STX17: variants seen among roughly 807,000 people sequenced by gnomAD.
STX17 encodes the protein syntaxin-17.
In STX17, 29 loss-of-function variants were observed where a neutral mutation model predicts 35.9. That is an observed-to-expected ratio of 0.81 (90% CI 0.60 to 1.10). The LOEUF (loss-of-function observed/expected upper bound fraction) is 1.10. STX17 is among the 50% of genes least tolerant of loss of function. STX17 has a pLI of 0.00. For synonymous variants in STX17, 92 were observed against 118.3 expected (o/e 0.78, Z 1.44); for missense variants, 312 against 352.3 (o/e 0.89, Z 0.92).
chr9:99,970,657 A>T lies in STX17; in HGVS notation c.*1984A>T, dbSNP rs892526846. Among the ~76,000 whole-genome samples, 4 of 152,168 alleles carry T rather than the reference A, an allele frequency of 2.6e-5. No homozygotes were observed. The highest frequency in any genetic ancestry group is 5.9e-5 in the Non-Finnish European group (4 of 68,022). On this transcript the variant is annotated 3_prime_UTR_variant, in exon 8 of 8. Coordinates refer to ENST00000259400, the MANE Select transcript of STX17 (RefSeq NM_017919.3). ...CATAGTCAGCTGAAATTATAAATCT[A>T]AGAAACAGTTACATCAAGATTCTGC...
At chr9:99,944,298 C>G (rs940144058) in intron 3 of STX17, among the ~76,000 whole-genome samples, 16 of 151,884 alleles carry the variant, frequency 1.1e-4, no homozygotes, top group Non-Finnish European at 2.1e-4. Flanking sequence ...TCTGTTTCAT[C>G]AAATTTATTT....
At chr9:99,955,018 T>C (rs1829679599) in intron 4 of STX17, among the ~76,000 whole-genome samples, 1 of 152,054 alleles carries the variant, frequency 6.6e-6, no homozygotes, top group Admixed American at 6.6e-5. Context: ...GTGTGTCTGG[T>C]TTCATTTTTA....
At chr9:99,916,851 T>A (rs771491087) in intron 2 of STX17, among the ~76,000 whole-genome samples, 29 of 152,206 alleles carry the variant, frequency 1.9e-4, no homozygotes, top group Non-Finnish European at 3.4e-4. Context: ...GTCCTACTTT[T>A]CCTTTGAGGT....
chr9:99,914,726 G>A (rs1828731596), intron 1 of STX17, among the ~76,000 whole-genome samples: 1 of 152,124 alleles, frequency 6.6e-6, no homozygotes, highest in African/African-American at 2.4e-5. Flanking sequence ...TTTGATACAA[G>A]CATCAGTGTT....
intron 6 of STX17, 59 bp downstream of exon 6, chr9:99,960,214 A>G (rs1168893067): frequency 1.7e-5 from 26 of 1,497,112 alleles, no homozygotes; most frequent in Non-Finnish European, 2.2e-5. Flanking sequence ...AGAAGCTTTT[A>G]TAATCACTAG....
At chr9:99,965,589 G>A (rs1233884001) in intron 6 of STX17, among the ~76,000 whole-genome samples, 1 of 152,120 alleles carries the variant, frequency 6.6e-6, no homozygotes, top group Non-Finnish European at 1.5e-5. Context: ...ATGATAGGGT[G>A]TCAGAAATCT....
intron 1 of STX17, among the ~76,000 whole-genome samples, chr9:99,911,067 G>T (rs367992151): frequency 1.6e-4 from 24 of 149,284 alleles, no homozygotes; most frequent in African/African-American, 5.7e-4. Flanking sequence ...ACGGAGTCTC[G>T]CTCTGTTGCC....
chr9:99,924,038 C>T (rs1037500142), intron 2 of STX17, among the ~76,000 whole-genome samples: 1 of 152,180 alleles, frequency 6.6e-6, no homozygotes, highest in African/African-American at 2.4e-5. Context: ...GCATAGACAA[C>T]CATGTCAAAA....
intron 3 of STX17, chr9:99,937,861 G>T (rs1829268443): frequency 6.6e-6 from 1 of 152,118 alleles, no homozygotes; most frequent in African/African-American, 2.4e-5. Flanking sequence ...ATAAAACAAT[G>T]AGCTTTGTTC....
intron 3 of STX17, among the ~76,000 whole-genome samples, chr9:99,935,269 G>T (rs988765050): frequency 6.8e-6 from 1 of 146,810 alleles, no homozygotes; most frequent in African/African-American, 2.5e-5. Context: ...GGAGGAGCTT[G>T]CAGTGAGCCG....
In STX17 at chr9:99,972,329, G is replaced by T. The variant is rs1036371591; in HGVS notation, c.*3656G>T. 6.6e-6 allele frequency among the ~76,000 whole-genome samples: 1 copy of T among 152,160 alleles called. No homozygotes were observed. Among genetic ancestry groups the T allele is most frequent in the African/African-American group, 2.4e-5 (1 of 41,430 alleles). The stretch of plus-strand genomic sequence containing the variant: ...ATTTATCATAATTCATAGATCAAAT[G>T]ATTATCCTTTAAAATGATACCCTTG... On this transcript the variant is annotated 3_prime_UTR_variant, in exon 8 of 8. Transcript: ENST00000259400.
In STX17 at chr9:99,972,254, CAG is replaced by C. The variant is rs1447732135; in HGVS notation, c.*3582_*3583del. ...TCACTAGTTATAACCATTGTTTAAA[CAG>C]TGCTTTTTGTGTAATTTAAAAATAA... is the stretch of plus-strand genomic sequence containing the variant. On this transcript the variant is annotated 3_prime_UTR_variant, in exon 8 of 8. Transcript: ENST00000259400. 6.6e-6 allele frequency among the ~76,000 whole-genome samples: 1 copy of C among 152,184 alleles called. No individual in the cohort carries two copies. The highest frequency in any genetic ancestry group is 1.5e-5 in the Non-Finnish European group (1 of 68,014).
chr9:99,907,493 A>G (rs962300104), intron 1 of STX17: 1 of 152,090 alleles, frequency 6.6e-6, no homozygotes, highest in African/African-American at 2.4e-5. Flanking sequence ...GTATTATGGT[A>G]CCCATCTCAT....
At position 99,968,850 on chromosome 9, in the gene STX17, G is replaced by A. The variant is rs2118552646; in HGVS notation, c.*177G>A. The stretch of plus-strand genomic sequence containing the variant: ...TGTTGTTTGCTGGGGTGTTCATGGA[G>A]ATGTTAAGAGATTGAGGCCCTGGGC... On this transcript the variant is annotated 3_prime_UTR_variant, in exon 8 of 8. Coordinates refer to ENST00000259400, the MANE Select transcript of STX17 (RefSeq NM_017919.3). 1.1e-6 allele frequency: 1 copy of A among 930,004 alleles called. No homozygotes were observed. The highest frequency in any genetic ancestry group is 2.1e-5 in the South Asian group (1 of 46,738). The allele number at this position is 930,004 out of a possible 1,614,324, so 57.6% of individuals were successfully genotyped here.
At chr9:99,940,914 G>T (rs1395117926) in intron 3 of STX17, among the ~76,000 whole-genome samples, 1 of 152,122 alleles carries the variant, frequency 6.6e-6, no homozygotes, top group South Asian at 2.1e-4. Context: ...TCTAATCCTA[G>T]TGTTCCTTCT....
chr9:99,971,159 TTATCA>T lies in STX17; in HGVS notation c.*2492_*2496del, dbSNP rs1416525703. ...CAATCTTAAAATTGAATTTAATGTT[TTATCA>T]TATCAGATTAAATATTTTCTCCATG... is the stretch of plus-strand genomic sequence containing the variant. On this transcript the variant is annotated 3_prime_UTR_variant, in exon 8 of 8. Coordinates refer to ENST00000259400, the MANE Select transcript of STX17 (RefSeq NM_017919.3). 6.6e-6 allele frequency among the ~76,000 whole-genome samples: 1 copy of T among 152,354 alleles called. No homozygotes were observed. Among genetic ancestry groups the T allele is most frequent in the East Asian group, 1.9e-4 (1 of 5,188 alleles).
At chr9:99,927,534 GGC>G (rs201668143) in intron 2 of STX17, among the ~76,000 whole-genome samples, 5,629 of 152,170 alleles carry the variant, frequency 0.037, 174 homozygotes, top group Non-Finnish European at 0.051. Context: ...AGTGCAGTGT[GGC>G]ACGATCTTGG....
At chr9:99,961,577 G>C (rs1829826976) in intron 6 of STX17, among the ~76,000 whole-genome samples, 1 of 152,134 alleles carries the variant, frequency 6.6e-6, no homozygotes, top group South Asian at 2.1e-4. Context: ...TAGGATGTAT[G>C]AATACGTGTG....
chr9:99,911,034 C>CTT (rs77698220), intron 1 of STX17, among the ~76,000 whole-genome samples: 1 of 143,896 alleles, frequency 6.9e-6, no homozygotes. Context: ...GGATTTCATT[C>CTT]TTTTTTTTTT....
Sources: gnomAD v4.1 joint callset for allele counts (sites outside exome capture counted in the v4.1 genomes callset) on GRCh38, gnomAD v4.1.1 for gene constraint, MANE v1.5 for transcripts, NCBI Gene and HGNC (gene_info 2026-07-23, HGNC 2026-07-21) for gene names.